The following DACH1 variants were observed in gnomAD, a reference collection of about 807,000 sequenced individuals.
DACH1 encodes the protein dachshund homolog 1.
DACH1 carries 12 observed loss-of-function variants against 54.2 expected under a neutral mutation model. The ratio of observed to expected loss-of-function variants is 0.22; its 90% CI spans 0.14 to 0.36. The LOEUF is 0.36. Ranked by LOEUF, DACH1 falls within the 10% of genes least tolerant of loss-of-function variation. The pLI is 1.00. For synonymous variants in DACH1, 386 were observed against 366.2 expected (o/e 1.05, Z -0.62); for missense variants, 805 against 929.8 (o/e 0.87, Z 1.75).
intron 3 of DACH1, among the ~76,000 whole-genome samples, chr13:71,608,083 G>A (rs1049536777): frequency 2.5e-4 from 38 of 151,140 alleles, no homozygotes; most frequent in African/African-American, 9.2e-4. Flanking sequence ...ATATAAAATG[G>A]GTAAGATACA....
chr13:71,707,612 C>A (rs946536518), intron 1 of DACH1, among the ~76,000 whole-genome samples: 2 of 152,184 alleles, frequency 1.3e-5, no homozygotes, highest in Non-Finnish European at 2.9e-5. Flanking sequence ...TAGGCTCTTA[C>A]ATCTAGAGAA....
intron 3 of DACH1, among the ~76,000 whole-genome samples, chr13:71,620,816 T>C (rs575830217): frequency 1.8e-4 from 28 of 152,122 alleles, no homozygotes; most frequent in African/African-American, 6.7e-4. Flanking sequence ...ATGAAACATA[T>C]ATTTTCTCCA....
At chr13:71,820,465 T>C (rs1345732939) in intron 1 of DACH1, among the ~76,000 whole-genome samples, 2 of 152,156 alleles carry the variant, frequency 1.3e-5, no homozygotes, top group Non-Finnish European at 1.5e-5. Flanking sequence ...TAGAGTATGG[T>C]AGGAAGTTTG....
chr13:71,721,704 T>G (rs2138804309), intron 1 of DACH1, among the ~76,000 whole-genome samples: 1 of 152,274 alleles, frequency 6.6e-6, no homozygotes, highest in South Asian at 2.1e-4. Flanking sequence ...TTAACTTAGG[T>G]TTTTATTTAT....
chr13:71,816,426 A>G (rs1469606655), intron 1 of DACH1, among the ~76,000 whole-genome samples: 1 of 151,922 alleles, frequency 6.6e-6, no homozygotes, highest in Non-Finnish European at 1.5e-5. Context: ...ATATATATAA[A>G]TCATCCTATT....
At chr13:71,758,718 A>G (rs918633650) in intron 1 of DACH1, among the ~76,000 whole-genome samples, 1 of 152,208 alleles carries the variant, frequency 6.6e-6, no homozygotes, top group Non-Finnish European at 1.5e-5. Flanking sequence ...GAAGGAAGTT[A>G]ACAACAAATA....
At chr13:71,818,239 A>T (rs1262271120) in intron 1 of DACH1, among the ~76,000 whole-genome samples, 2 of 152,212 alleles carry the variant, frequency 1.3e-5, no homozygotes, top group African/African-American at 4.8e-5. Context: ...AAAGAAATAT[A>T]TGCTATAATT....
At chr13:71,509,603 T>A (rs2138253699) in intron 6 of DACH1, among the ~76,000 whole-genome samples, 1 of 152,256 alleles carries the variant, frequency 6.6e-6, no homozygotes, top group African/African-American at 2.4e-5. Context: ...CTTATATTTT[T>A]ACTAAGTTTT....
At chr13:71,770,768 T>C (rs1052028407) in intron 1 of DACH1, among the ~76,000 whole-genome samples, 1 of 151,612 alleles carries the variant, frequency 6.6e-6, no homozygotes, top group Admixed American at 6.6e-5. Flanking sequence ...GTAAATTCCA[T>C]GTAAGCATTA....
chr13:71,842,868 T>G (rs772953851), intron 1 of DACH1, among the ~76,000 whole-genome samples: 2 of 152,200 alleles, frequency 1.3e-5, no homozygotes, highest in Non-Finnish European at 2.9e-5. Context: ...TTCTTCTGAC[T>G]TGTCAATTGG....
In DACH1 at chr13:71,860,074, A is replaced by G. The variant is rs562134955; in HGVS notation, c.848+5848T>C. Among the ~76,000 whole-genome samples, 25 of 151,940 alleles carry G rather than the reference A, an allele frequency of 1.6e-4. No individual in the cohort carries two copies. The South Asian group carries it at 5.2e-3, about 31-fold the overall frequency. Reference sequence around the variant, plus strand: ...CTTTAAAAATTTAATTATTGAACATAACAAACATAATAGAGAAGGGTCTCC... The same window carrying G: ...CTTTAAAAATTTAATTATTGAACATGACAAACATAATAGAGAAGGGTCTCC... On this transcript the variant is annotated intron_variant, in intron 1 of 10. Coordinates refer to ENST00000613252, the MANE Select transcript of DACH1 (RefSeq NM_080759.6).
chr13:71,443,230 C>T lies in DACH1; in HGVS notation c.2084-2538G>A, dbSNP rs117897074. On this transcript the variant is annotated intron_variant, in intron 10 of 10. Transcript: ENST00000613252. ...ATAAGTTGTGTCAGATATCAGTTGC[C>T]TCTCTTAAAATTAATCTAGTTCAAC... Among the ~76,000 whole-genome samples, 199 of 151,730 alleles carry T rather than the reference C, an allele frequency of 1.3e-3. 2 individuals carry two copies. The East Asian group carries it at 0.031, about 23-fold the overall frequency.
chr13:71,847,963 A>G (rs561351511), intron 1 of DACH1, among the ~76,000 whole-genome samples: 2 of 152,328 alleles, frequency 1.3e-5, no homozygotes, highest in South Asian at 4.1e-4. Context: ...GAAAATAATC[A>G]TTTAGGGGAT....
chr13:71,781,036 A>T (rs982959129), intron 1 of DACH1, among the ~76,000 whole-genome samples: 17 of 152,042 alleles, frequency 1.1e-4, no homozygotes, highest in South Asian at 2.1e-4. Flanking sequence ...TTGGGAGGCT[A>T]AGGTGGGAGG....
Position 71,866,489 on chromosome 13 carries a change from C to A in DACH1, c.281G>T (p.Gly94Val). ...GGGGSSGNGGGGGGGGGGSNC... is the reference protein window; with the variant it reads ...GGGGSSGNGGVGGGGGGGSNC... ...GCTGCCACCGCCGCCGCCGCCACCGCCGCCTCCGTTGCCGCTGCTGCCGCC... is the reference window on the plus strand; with the variant it reads ...GCTGCCACCGCCGCCGCCGCCACCGACGCCTCCGTTGCCGCTGCTGCCGCC... The change falls in exon 1 of 11, where the codon GGC (glycine) becomes GTC (valine). Residue 94 changes from glycine (G) to valine (V), a missense_variant. This residue lies in a region of DACH1 where 305 missense variants were observed against 308.7 expected (regional missense o/e 0.99). Coordinates refer to ENST00000613252, the MANE Select transcript of DACH1 (RefSeq NM_080759.6). The A allele has an allele frequency of 8.0e-7, 1 of 1,242,848 alleles. No individual in the cohort carries two copies. The highest frequency in any genetic ancestry group is 1.0e-6 in the Non-Finnish European group (1 of 990,658). The allele number at this position is 1,242,848 out of a possible 1,614,324, so 77.0% of individuals were successfully genotyped here.
At chr13:71,858,521 C>T (rs1450896728) in intron 1 of DACH1, among the ~76,000 whole-genome samples, 1 of 151,708 alleles carries the variant, frequency 6.6e-6, no homozygotes, top group South Asian at 2.1e-4. Flanking sequence ...TCTTCAAAAT[C>T]CACTTCAGGA....
chr13:71,604,369 A>C (rs1015150632), intron 3 of DACH1, among the ~76,000 whole-genome samples: 1 of 151,912 alleles, frequency 6.6e-6, no homozygotes, highest in Non-Finnish European at 1.5e-5. Flanking sequence ...AGACAAGCTA[A>C]ATTTTTCAAC....
chr13:71,486,802 AT>A (rs914637528), intron 7 of DACH1, among the ~76,000 whole-genome samples: 1 of 27,836 alleles, frequency 3.6e-5, no homozygotes, highest in African/African-American at 6.4e-5. Context: ...TAATTAATTT[AT>A]TTATTTATTT....
intron 1 of DACH1, among the ~76,000 whole-genome samples, chr13:71,815,837 G>A (rs984636709): frequency 2.4e-4 from 36 of 152,134 alleles, no homozygotes; most frequent in African/African-American, 7.5e-4. Context: ...TGTAATCCCA[G>A]CACTTTGGGA....
Sources: allele counts gnomAD v4.1 joint callset (sites outside exome capture counted in the v4.1 genomes callset), GRCh38; gene constraint gnomAD v4.1.1; regional missense constraint gnomAD v4.1.1; transcripts MANE v1.5; gene names NCBI Gene and HGNC (gene_info 2026-07-23, HGNC 2026-07-21).